The following MICU1 variants were observed in gnomAD, a reference collection of about 807,000 sequenced individuals.
MICU1 encodes mitochondrial calcium uptake 1, also known as calcium uptake protein 1, mitochondrial.
A neutral mutation model predicts 56.8 loss-of-function variants in MICU1; 45 were observed. The ratio of observed to expected loss-of-function variants is 0.79; its 90% CI spans 0.62 to 1.02. The LOEUF is 1.02. MICU1 is among the 50% of genes least tolerant of loss of function. The pLI, the probability that MICU1 is intolerant of heterozygous loss-of-function variation, is 0.00. For missense variants in MICU1, 504 were observed against 587.1 expected, an observed-to-expected ratio of 0.86 and a Z score of 1.46; for synonymous variants, 186 against 195.1, an observed-to-expected ratio of 0.95 and a Z score of 0.39.
intron 8 of MICU1, among the ~76,000 whole-genome samples, chr10:72,454,918 G>C (rs375188172): frequency 6.6e-6 from 1 of 152,106 alleles, no homozygotes; most frequent in Non-Finnish European, 1.5e-5. Flanking sequence ...AGCTGATAAG[G>C]GAATACCTAA....
intron 6 of MICU1, among the ~76,000 whole-genome samples, chr10:72,480,228 G>C (rs1191788326): frequency 1.3e-5 from 2 of 152,228 alleles, no homozygotes; most frequent in African/African-American, 4.8e-5. Flanking sequence ...GCTGTGATGA[G>C]TTGAGAGTGA....
At chr10:72,438,249 C>A (rs1250398040) in intron 8 of MICU1, among the ~76,000 whole-genome samples, 1 of 152,220 alleles carries the variant, frequency 6.6e-6, no homozygotes, top group African/African-American at 2.4e-5. Context: ...GAAACTCACT[C>A]AAAACCGCAC....
chr10:72,577,546 T>G (rs981944774), intron 1 of MICU1, among the ~76,000 whole-genome samples: 1 of 149,968 alleles, frequency 6.7e-6, no homozygotes, highest in African/African-American at 2.5e-5. Context: ...CATACCACCC[T>G]GAAAGCACCC....
chr10:72,481,943 G>A (rs189015622), intron 6 of MICU1, among the ~76,000 whole-genome samples: 33 of 152,150 alleles, frequency 2.2e-4, no homozygotes, highest in African/African-American at 7.2e-4. Context: ...GGTCTGTTCT[G>A]GTTACAAGTC....
chr10:72,618,356 C>T (rs939431992), intron 1 of MICU1, among the ~76,000 whole-genome samples: 9 of 152,130 alleles, frequency 5.9e-5, no homozygotes, highest in African/African-American at 2.2e-4. Flanking sequence ...ACCTCAGCCT[C>T]CAGAATAGCT....
At chr10:72,531,274 C>A (rs543641027) in intron 5 of MICU1, among the ~76,000 whole-genome samples, 8 of 152,180 alleles carry the variant, frequency 5.3e-5, no homozygotes, top group Non-Finnish European at 8.8e-5. Flanking sequence ...GTTTAGCTTT[C>A]TAACTACATT....
intron 8 of MICU1, among the ~76,000 whole-genome samples, chr10:72,464,730 T>C (rs1175434642): frequency 6.6e-6 from 1 of 152,218 alleles, no homozygotes; most frequent in Non-Finnish European, 1.5e-5. Context: ...TATAGTATTT[T>C]CAGTTTGACT....
intron 5 of MICU1, among the ~76,000 whole-genome samples, chr10:72,509,014 C>T (rs1867354261): frequency 6.6e-6 from 1 of 152,166 alleles, no homozygotes; most frequent in South Asian, 2.1e-4. Context: ...TAGTTCTCAG[C>T]TTTGGTAATT....
intron 8 of MICU1, among the ~76,000 whole-genome samples, chr10:72,438,899 C>A (rs544920264): frequency 7.6e-4 from 116 of 152,204 alleles, no homozygotes; most frequent in Non-Finnish European, 1.3e-3. Context: ...GAAATTCAGG[C>A]AATAATTAAT....
At position 72,579,206 on chromosome 10, in the gene MICU1, C is replaced by T. The variant is rs141737173; in HGVS notation, c.-1-12412G>A. Among the ~76,000 whole-genome samples the T allele has an allele frequency of 2.0e-4, 31 of 152,184 alleles. No homozygotes were observed. In the East Asian group the frequency reaches 5.8e-3, roughly 29 times the overall value. ...GTCTGTTCTGGCTGCTGTGACAATACACCTTATACTGGGTAATTCATAAAC... is the reference window on the plus strand; with the variant it reads ...GTCTGTTCTGGCTGCTGTGACAATATACCTTATACTGGGTAATTCATAAAC... On this transcript the variant is annotated intron_variant, in intron 1 of 11. Transcript: ENST00000361114.
intron 10 of MICU1, among the ~76,000 whole-genome samples, chr10:72,386,615 A>G (rs2132057927): frequency 7.0e-6 from 1 of 143,548 alleles, no homozygotes; most frequent in Admixed American, 7.2e-5. Context: ...GCTGGAGTGC[A>G]GTAGCATGAT....
At chr10:72,540,136 G>C (rs1054064743) in intron 4 of MICU1, among the ~76,000 whole-genome samples, 2 of 151,808 alleles carry the variant, frequency 1.3e-5, no homozygotes, top group Admixed American at 6.6e-5. Flanking sequence ...GCATGGTGGC[G>C]CATGCCTGTA....
Position 72,430,294 on chromosome 10 carries a change from G to T in MICU1, c.934-6923C>A, listed in dbSNP as rs992241146. ...TAGGCTGTTTCATTTTTTGTCTATG[G>T]TAAGTACCACTCTGATAAACTTTTG... On this transcript the variant is annotated intron_variant, in intron 8 of 11. Transcript: ENST00000361114. Among the ~76,000 whole-genome samples the T allele has an allele frequency of 3.8e-4, 58 of 152,024 alleles. 2 individuals carry two copies. The highest frequency in any genetic ancestry group is 2.6e-3 in the Admixed American group (39 of 15,250).
intron 8 of MICU1, among the ~76,000 whole-genome samples, chr10:72,434,446 T>A (rs1208970018): frequency 6.6e-6 from 1 of 152,138 alleles, no homozygotes; most frequent in Non-Finnish European, 1.5e-5. Flanking sequence ...AAAAATTTCA[T>A]GCCATTTTTC....
intron 8 of MICU1, among the ~76,000 whole-genome samples, chr10:72,456,897 G>GTGTGTA (rs1865481859): frequency 1.9e-5 from 2 of 103,934 alleles, no homozygotes; most frequent in Non-Finnish European, 4.3e-5. Flanking sequence ...GTGTGTGTGT[G>GTGTGTA]TGTGTTTTGT....
chr10:72,372,141 AGAG>A (rs572651348), intron 11 of MICU1, among the ~76,000 whole-genome samples: 1 of 151,634 alleles, frequency 6.6e-6, no homozygotes, highest in East Asian at 2.0e-4. Context: ...GGTCAAAGCA[AGAG>A]GACAGCTTTA....
chr10:72,615,168 A>G (rs1460893789), intron 1 of MICU1, among the ~76,000 whole-genome samples: 2 of 152,130 alleles, frequency 1.3e-5, no homozygotes, highest in Non-Finnish European at 2.9e-5. Flanking sequence ...CCTAGGCTAG[A>G]GTGCAGTGGC....
intron 10 of MICU1, among the ~76,000 whole-genome samples, chr10:72,381,329 G>A (rs1167635884): frequency 6.6e-6 from 1 of 152,164 alleles, no homozygotes; most frequent in Non-Finnish European, 1.5e-5. Flanking sequence ...CCCTGGAAAG[G>A]CTGATGCAGA....
chr10:72,566,855 T>G, intron 1 of MICU1, 61 bp from the exon 2 acceptor site: 1 of 1,407,446 alleles, frequency 7.1e-7, no homozygotes. Flanking sequence ...ATGATGATGA[T>G]GATCCTACCA....
Sources: gnomAD v4.1 joint callset for allele counts (sites outside exome capture counted in the v4.1 genomes callset) on GRCh38, gnomAD v4.1.1 for gene constraint, MANE v1.5 for transcripts, NCBI Gene and HGNC (gene_info 2026-07-23, HGNC 2026-07-21) for gene names.